The following UBE2F variants were observed in gnomAD, a reference collection of about 807,000 sequenced individuals.
UBE2F encodes the protein NEDD8-conjugating enzyme UBE2F.
A neutral mutation model predicts 29.6 loss-of-function variants in UBE2F; 5 were observed. The ratio of observed to expected loss-of-function variants is 0.17; its 90% CI spans 0.09 to 0.36. The LOEUF (loss-of-function observed/expected upper bound fraction) is 0.36. Among genes scored for constraint, UBE2F ranks in the 10% least tolerant of loss-of-function variants. The pLI is 1.00. For synonymous variants in UBE2F, 66 were observed against 81.8 expected, an observed-to-expected ratio of 0.81 and a Z score of 1.04; for missense variants, 141 against 228.5, an observed-to-expected ratio of 0.62 and a Z score of 2.47.
intron 5 of UBE2F, 70 bp downstream of exon 5, chr2:238,016,703 T>C: frequency 7.4e-7 from 1 of 1,357,880 alleles, no homozygotes; most frequent in Non-Finnish European, 1.0e-6. Flanking sequence ...GGCCCGCCAC[T>C]GGCACAGGGC....
chr2:238,041,290 G>A lies in UBE2F; in HGVS notation c.510G>A (p.Glu170=), dbSNP rs763980597. ...EAAEHHLRDK[E]DFRNKVDDYI... is the part of the protein sequence containing the mutation. ...TCCCCAATGCTGTTACTCCACAGGA[G>A]GACTTCCGGAATAAAGTGGATGACT... The change falls in exon 10 of 10, where the codon GAG becomes GAA. Residue 170 remains glutamate, a splice_region_variant and synonymous_variant. Transcript: ENST00000272930. 1 of 1,613,762 alleles carries A rather than the reference G, an allele frequency of 6.2e-7. No homozygotes were observed. Among genetic ancestry groups the A allele is most frequent in the East Asian group, 2.2e-5 (1 of 44,890 alleles).
At chr2:237,996,476 G>GTTTTTTTT (rs11293005) in intron 4 of UBE2F, among the ~76,000 whole-genome samples, 1 of 138,418 alleles carries the variant, frequency 7.2e-6, no homozygotes, top group East Asian at 2.1e-4. Context: ...TCCCCTCCGC[G>GTTTTTTTT]TTTTTTTTTT....
chr2:238,024,666 G>A (rs2064374216), intron 5 of UBE2F, among the ~76,000 whole-genome samples: 1 of 151,654 alleles, frequency 6.6e-6, no homozygotes. Flanking sequence ...CTTTTAGGTG[G>A]CCTCCCAAAG....
intron 1 of UBE2F, among the ~76,000 whole-genome samples, chr2:237,969,723 G>A (rs1002969294): frequency 6.6e-6 from 1 of 152,188 alleles, no homozygotes; most frequent in Non-Finnish European, 1.5e-5. Context: ...ATCCTTGTGA[G>A]GGATTTTTGA....
Position 237,967,044 on chromosome 2 carries a change from G to C in UBE2F, c.-105G>C. 7.7e-7 allele frequency: 1 copy of C among 1,301,368 alleles called. No homozygotes were observed. Among genetic ancestry groups the C allele is most frequent in the African/African-American group, 1.5e-5 (1 of 64,560 alleles). The allele number at this position is 1,301,368 out of a possible 1,614,324, so 80.6% of individuals were successfully genotyped here. A position where few individuals can be genotyped will look rare whatever the true frequency, so the allele number is the denominator to read the frequency against. On this transcript the variant is annotated 5_prime_UTR_variant, in exon 1 of 10. Coordinates refer to ENST00000272930, the MANE Select transcript of UBE2F (RefSeq NM_080678.3). This position sits in a 1 kb window ranked among gnomAD's most constrained non-coding sequence, Gnocchi z 6.3. ...CGGTCCCGCCGCCGGGAGCCGGTGC[G>C]GCTGTGAGGGGCCGCGTCTCGCAGC... is the stretch of plus-strand genomic sequence containing the variant.
chr2:238,007,073 AG>A (rs2063924182), intron 4 of UBE2F, among the ~76,000 whole-genome samples: 1 of 147,882 alleles, frequency 6.8e-6, no homozygotes. Context: ...TTCTAATCTT[AG>A]GGGGTTGCTG....
chr2:237,992,371 G>C (rs115327957), intron 3 of UBE2F, among the ~76,000 whole-genome samples: 231 of 152,328 alleles, frequency 1.5e-3, no homozygotes, highest in African/African-American at 5.1e-3. Context: ...TGCAAGTTAA[G>C]ATTAGGAAGA....
rs919474159 is a variant in UBE2F, at chr2:238,040,019, T to C, written c.508-1269T>C. The stretch of plus-strand genomic sequence containing the variant: ...CCCTTTGTTGCGGGGTAAAGGCCCA[T>C]GTGGGAGGCTCCAAACGCCATCCTG... On this transcript the variant is annotated intron_variant, in intron 9 of 9. Coordinates refer to ENST00000272930, the MANE Select transcript of UBE2F (RefSeq NM_080678.3). The surrounding 1 kb of genome is among the most constrained non-coding windows in gnomAD (Gnocchi z 4.4). Among the ~76,000 whole-genome samples the C allele has an allele frequency of 1.3e-5, 2 of 152,300 alleles. No individual in the cohort carries two copies. Among genetic ancestry groups the C allele is most frequent in the African/African-American group, 4.8e-5 (2 of 41,552 alleles).
At chr2:237,980,556 C>T (rs964329353) in intron 2 of UBE2F, among the ~76,000 whole-genome samples, 2 of 152,146 alleles carry the variant, frequency 1.3e-5, no homozygotes, top group African/African-American at 4.8e-5. Flanking sequence ...CTCCAAATAC[C>T]ATCACATTGG....
chr2:238,025,487 C>A, intron 6 of UBE2F, 75 bp downstream of exon 6: 1 of 1,349,834 alleles, frequency 7.4e-7, no homozygotes, highest in South Asian at 1.2e-5. Flanking sequence ...AACATGTTGT[C>A]TCCTCTGAAA....
intron 9 of UBE2F, 45 bp downstream of exon 9, chr2:238,035,985 A>G: frequency 6.6e-7 from 1 of 1,510,714 alleles, no homozygotes. Flanking sequence ...ACTTGTCACG[A>G]ACACGATTAC....
At chr2:237,976,482 G>T (rs1010795115) in intron 2 of UBE2F, among the ~76,000 whole-genome samples, 2 of 152,228 alleles carry the variant, frequency 1.3e-5, no homozygotes, top group Non-Finnish European at 2.9e-5. Flanking sequence ...GCCACAGATT[G>T]GGTAATTTAT....
In UBE2F at chr2:237,994,246, G is replaced by A. The variant is rs996352356; in HGVS notation, c.149-498G>A. ...CTGCCTCAGCCTCCCAAGTAGCTGG[G>A]ATTACAGGCGTAAGCCACCATGCCT... On this transcript the variant is annotated intron_variant, in intron 3 of 9. Coordinates refer to ENST00000272930, the MANE Select transcript of UBE2F (RefSeq NM_080678.3). Among the ~76,000 whole-genome samples, 8 of 152,060 alleles carry A rather than the reference G, an allele frequency of 5.3e-5. No homozygotes were observed. In the South Asian group the frequency reaches 6.2e-4, roughly 12 times the overall value.
chr2:237,970,973 G>A (rs1441583025), intron 1 of UBE2F, among the ~76,000 whole-genome samples: 4 of 152,210 alleles, frequency 2.6e-5, no homozygotes, highest in African/African-American at 9.6e-5. Flanking sequence ...TCGGCCTACC[G>A]AAGTGCTGGG....
intron 4 of UBE2F, among the ~76,000 whole-genome samples, chr2:238,011,983 A>G (rs955883826): frequency 6.6e-6 from 1 of 151,554 alleles, no homozygotes; most frequent in African/African-American, 2.4e-5. Context: ...GGCTCAAGCA[A>G]TCCTCCCACC....
intron 4 of UBE2F, among the ~76,000 whole-genome samples, chr2:237,999,088 A>T (rs60219781): frequency 0.12 from 17,364 of 149,996 alleles, 2,065 homozygotes; most frequent in African/African-American, 0.3. Flanking sequence ...TTATTTATTT[A>T]TTTTTTTTTT....
chr2:238,027,900 A>T (rs1001595117), intron 6 of UBE2F, among the ~76,000 whole-genome samples: 6 of 152,164 alleles, frequency 3.9e-5, no homozygotes, highest in Admixed American at 2.6e-4. Flanking sequence ...CCCTGGCTCC[A>T]CCTTGTTGTC....
In UBE2F at chr2:237,970,220, C is replaced by T. The variant is rs116517658; in HGVS notation, c.-16-2872C>T. ...TCTCTACAAAAAAAATTAAAATTAG[C>T]TGGACATGATGGTGCCTGCCTGTAG... On this transcript the variant is annotated intron_variant, in intron 1 of 9. Coordinates refer to ENST00000272930, the MANE Select transcript of UBE2F (RefSeq NM_080678.3). 1.9e-3 allele frequency among the ~76,000 whole-genome samples: 295 copies of T among 152,222 alleles called. 2 individuals carry two copies. The highest frequency in any genetic ancestry group is 6.7e-3 in the African/African-American group (279 of 41,516).
At chr2:237,980,461 G>A (rs1371996211) in intron 2 of UBE2F, among the ~76,000 whole-genome samples, 1 of 152,142 alleles carries the variant, frequency 6.6e-6, no homozygotes, top group East Asian at 1.9e-4. Context: ...GTCCCTCTTT[G>A]TTTTTTGTTT....
Sources: gnomAD v4.1 joint callset for allele counts (sites outside exome capture counted in the v4.1 genomes callset) on GRCh38, gnomAD v4.1.1 for gene constraint, Gnocchi (gnomAD v3.1) non-coding constraint, MANE v1.5 for transcripts, NCBI Gene and HGNC (gene_info 2026-07-23, HGNC 2026-07-21) for gene names.